The following TBP variants were observed in gnomAD, a reference collection of about 807,000 sequenced individuals.
TBP encodes TATA-box-binding protein.
TBP carries 12 observed loss-of-function variants against 46.2 expected under a neutral mutation model. That is an observed-to-expected ratio of 0.26 (90% confidence interval 0.17 to 0.42). The LOEUF (loss-of-function observed/expected upper bound fraction) is 0.42. Ranked by LOEUF, TBP falls within the 10% of genes least tolerant of loss-of-function variation. The pLI, the probability that TBP is intolerant of heterozygous loss-of-function variation, is 1.00. For synonymous variants in TBP, 157 were observed against 148.3 expected (o/e 1.06, Z -0.42); for missense variants, 229 against 403.1 (o/e 0.57, Z 3.70).
At chr6:170,568,826 T>TTC (rs1779320350) in intron 5 of TBP, among the ~76,000 whole-genome samples, 1 of 113,760 alleles carries the variant, frequency 8.8e-6, no homozygotes, top group African/African-American at 3.5e-5. Context: ...TTTTTTTTTT[T>TTC]TTTTTTTTTT....
intron 4 of TBP, among the ~76,000 whole-genome samples, chr6:170,566,003 A>AT (rs1386758318): frequency 6.6e-6 from 1 of 152,066 alleles, no homozygotes; most frequent in Non-Finnish European, 1.5e-5. Context: ...GAGCTCAGGA[A>AT]TTCGAGGCTG....
Position 170,571,391 on chromosome 6 carries a change from T to C in TBP, c.846-19T>C, listed in dbSNP as rs17860789. The C allele has an allele frequency of 2.4e-3, 3,811 of 1,585,250 alleles. 11 individuals carry two copies. The highest frequency in any genetic ancestry group is 2.8e-3 in the Non-Finnish European group (3,238 of 1,157,016). Reference sequence around the variant, plus strand: ...CACAAAGCTCTTGATTTCTAAACTTTTTGCAATTTTCCTTCTAGTTATGAG... The same window carrying C: ...CACAAAGCTCTTGATTTCTAAACTTCTTGCAATTTTCCTTCTAGTTATGAG... On this transcript the variant is annotated intron_variant, in intron 6 of 7. Coordinates refer to ENST00000392092, the MANE Select transcript of TBP (RefSeq NM_003194.5).
intron 1 of TBP, among the ~76,000 whole-genome samples, chr6:170,556,073 A>G (rs1015874354): frequency 3.3e-5 from 5 of 152,242 alleles, no homozygotes; most frequent in Admixed American, 6.5e-5. Context: ...TTGCCCTTTC[A>G]AAGTGATCGT....
At chr6:170,565,367 A>T (rs1292866187) in intron 4 of TBP, among the ~76,000 whole-genome samples, 4 of 152,184 alleles carry the variant, frequency 2.6e-5, no homozygotes. Context: ...ATGTATAGGG[A>T]TGATGTTAGC....
rs992691107 is a variant in TBP, at chr6:170,572,471, G to A, written c.*206G>A. 2.9e-5 allele frequency: 17 copies of A among 587,968 alleles called. No individual in the cohort carries two copies. Among genetic ancestry groups the A allele is most frequent in the African/African-American group, 1.7e-4 (9 of 53,570 alleles). 36.4% of individuals were successfully genotyped at this position (587,968 alleles called of 1,614,324 possible). On this transcript the variant is annotated 3_prime_UTR_variant, in exon 8 of 8. Transcript: ENST00000392092. ...TTGTGCACTGAGAACACCGCGCAGCGTGACTGTGAGTTGCTCATACCGTGC... is the reference window on the plus strand; with the variant it reads ...TTGTGCACTGAGAACACCGCGCAGCATGACTGTGAGTTGCTCATACCGTGC...
chr6:170,559,642 A>G (rs766088382), intron 2 of TBP, among the ~76,000 whole-genome samples: 1 of 152,256 alleles, frequency 6.6e-6, no homozygotes, highest in Non-Finnish European at 1.5e-5. Flanking sequence ...GGCCTTCTCC[A>G]CAACATAAAA....
At chr6:170,560,310 GT>G (rs1361957756) in intron 2 of TBP, among the ~76,000 whole-genome samples, 3 of 152,076 alleles carry the variant, frequency 2.0e-5, no homozygotes, top group Admixed American at 6.6e-5. Context: ...ACCAACCTGG[GT>G]AACAAAACAA....
chr6:170,572,212 G>A lies in TBP; in HGVS notation c.967G>A (p.Glu323Lys). 1 of 1,613,898 alleles carries A rather than the reference G, an allele frequency of 6.2e-7. No homozygotes were observed. Among genetic ancestry groups the A allele is most frequent in the Non-Finnish European group, 8.5e-7 (1 of 1,179,980 alleles). Reference protein sequence around the residue: ...TGAKVRAEIYEAFENIYPILK... With the variant: ...TGAKVRAEIYKAFENIYPILK... ...TGCTAAAGTCAGAGCAGAAATTTAT[G>A]AAGCATTTGAAAACATCTACCCTAT... The change falls in exon 8 of 8, where the codon GAA (glutamate) becomes AAA (lysine). Residue 323 changes from glutamate to lysine, a missense_variant. Coordinates refer to ENST00000392092, the MANE Select transcript of TBP (RefSeq NM_003194.5).
At chr6:170,570,199 C>T (rs559638619) in intron 6 of TBP, among the ~76,000 whole-genome samples, 73 of 152,294 alleles carry the variant, frequency 4.8e-4, no homozygotes, top group African/African-American at 1.7e-3. Context: ...ATCTTCCCTG[C>T]TACTTGCAGG....
intron 1 of TBP, among the ~76,000 whole-genome samples, chr6:170,555,711 A>C (rs972285910): frequency 2.0e-5 from 3 of 152,186 alleles, no homozygotes; most frequent in Non-Finnish European, 4.4e-5. Flanking sequence ...ATTCATGATC[A>C]CATACTGTAT....
intron 4 of TBP, among the ~76,000 whole-genome samples, chr6:170,565,889 A>C (rs930563081): frequency 2.6e-5 from 4 of 152,088 alleles, no homozygotes; most frequent in Non-Finnish European, 5.9e-5. Flanking sequence ...CCTGGGCAAC[A>C]TAGCAAGGCC....
rs1419176062 is a variant in TBP at position 170,561,948 on chromosome 6, AGCAACAGCAACAGCAGCAGCAGCAG to A, written c.213_237del (p.Gln71HisfsTer65). On this transcript the variant is annotated frameshift_variant, in exon 3 of 8. Coordinates refer to ENST00000392092, the MANE Select transcript of TBP (RefSeq NM_003194.5). LOFTEE classifies it high-confidence loss of function. The stretch of plus-strand genomic sequence containing the variant: ...CAACAGCAGCAGCAGCAGCAGCAGC[AGCAACAGCAACAGCAGCAGCAGCAG>A]CAGCAGCAGCAGCAGCAGCAGCAGC... 2 of 1,564,674 alleles carry A rather than the reference AGCAACAGCAACAGCAGCAGCAGCAG, an allele frequency of 1.3e-6. No individual in the cohort carries two copies. Among genetic ancestry groups the A allele is most frequent in the African/African-American group, 3.8e-5 (2 of 52,938 alleles).
intron 6 of TBP, among the ~76,000 whole-genome samples, chr6:170,570,085 T>TCA (rs1779341925): frequency 6.6e-6 from 1 of 151,888 alleles, no homozygotes; most frequent in East Asian, 1.9e-4. Context: ...GACCCTAACC[T>TCA]TGTATCAATT....
chr6:170,568,641 G>A (rs1779310381), intron 5 of TBP, among the ~76,000 whole-genome samples: 1 of 151,488 alleles, frequency 6.6e-6, no homozygotes, highest in Admixed American at 6.6e-5. Flanking sequence ...TTTTAGTAGA[G>A]ATGGGGTTTC....
chr6:170,570,045 A>G (rs1779341270), intron 6 of TBP, among the ~76,000 whole-genome samples: 3 of 151,798 alleles, frequency 2.0e-5, no homozygotes, highest in Admixed American at 2.0e-4. Flanking sequence ...TTATCGTTTT[A>G]TTGCTGAATA....
chr6:170,572,373 G>T lies in TBP; in HGVS notation c.*108G>T. 2 of 919,856 alleles carry T rather than the reference G, an allele frequency of 2.2e-6. No individual in the cohort carries two copies. Among genetic ancestry groups the T allele is most frequent in the Non-Finnish European group, 3.4e-6 (2 of 590,482 alleles). The allele number at this position is 919,856 out of a possible 1,614,324, so 57.0% of individuals were successfully genotyped here. A position where few individuals can be genotyped will look rare whatever the true frequency, so the allele number is the denominator to read the frequency against. On this transcript the variant is annotated 3_prime_UTR_variant, in exon 8 of 8. Transcript: ENST00000392092. Reference sequence around the variant, plus strand: ...GTGGTGTTGTGAGAAGATGGATGTTGAGTTGCAGGGTGTGGCACCAGGTGA... The same window carrying T: ...GTGGTGTTGTGAGAAGATGGATGTTTAGTTGCAGGGTGTGGCACCAGGTGA...
chr6:170,568,238 G>C lies in TBP; in HGVS notation c.677+1229G>C, dbSNP rs565844130. On this transcript the variant is annotated intron_variant, in intron 5 of 7. Coordinates refer to ENST00000392092, the MANE Select transcript of TBP (RefSeq NM_003194.5). ...CATCAGAAACTTTTGGTTTATCAAG[G>C]CAAGCTTTTCATGCAGCATTTAGCC... is the stretch of plus-strand genomic sequence containing the variant. Among the ~76,000 whole-genome samples, 6 of 152,194 alleles carry C rather than the reference G, an allele frequency of 3.9e-5. No homozygotes were observed. The East Asian group carries it at 9.7e-4, about 25-fold the overall frequency.
Position 170,572,251 on chromosome 6 carries a change from A to G in TBP, c.1006A>G (p.Arg336Gly). The change falls in exon 8 of 8, where the codon AGG becomes GGG. Residue 336 changes from arginine to glycine, a missense_variant. Physicochemically the swap from Arg to Gly is moderately radical, Grantham distance 125 (BLOSUM62 -2). This residue lies in a region of TBP where 44 missense variants were observed against 54.1 expected (regional missense o/e 0.81). Transcript: ENST00000392092. ...ENIYPILKGF[R>G]KTT is the part of the protein sequence containing the mutation. ...CATCTACCCTATTCTAAAGGGATTCAGGAAGACGACGTAATGGCTCTCATG... is the reference window on the plus strand; with the variant it reads ...CATCTACCCTATTCTAAAGGGATTCGGGAAGACGACGTAATGGCTCTCATG... 1.2e-6 allele frequency: 2 copies of G among 1,613,774 alleles called. No homozygotes were observed. Among genetic ancestry groups the G allele is most frequent in the Non-Finnish European group, 1.7e-6 (2 of 1,179,826 alleles).
chr6:170,569,931 CTCAG>C, intron 6 of TBP, 152 bp downstream of exon 6: 1 of 771,616 alleles, frequency 1.3e-6, no homozygotes, highest in South Asian at 2.2e-5. Context: ...TCCTGATGTT[CTCAG>C]TCATATTTAT....
Sources: gnomAD v4.1 joint callset for allele counts (sites outside exome capture counted in the v4.1 genomes callset) on GRCh38, gnomAD v4.1.1 for gene constraint, gnomAD v4.1.1 regional missense constraint, MANE v1.5 for transcripts, NCBI Gene and HGNC (gene_info 2026-07-23, HGNC 2026-07-21) for gene names.